The following PDE2A variants were observed in gnomAD, a reference collection of about 807,000 sequenced individuals.
PDE2A encodes the protein cGMP-dependent 3',5'-cyclic phosphodiesterase.
PDE2A carries 53 observed loss-of-function variants against 133.6 expected under a neutral mutation model. That is an observed-to-expected ratio of 0.40 (90% confidence interval 0.32 to 0.50). The LOEUF (loss-of-function observed/expected upper bound fraction) is 0.50, where lower values mean the gene tolerates loss of function less well. Ranked by LOEUF, PDE2A falls within the 20% of genes least tolerant of loss-of-function variation. The pLI is 0.73. For missense variants in PDE2A, 796 were observed against 1,232.4 expected, an observed-to-expected ratio of 0.65 and a Z score of 5.30; for synonymous variants, 491 against 490.2, an observed-to-expected ratio of 1.00 and a Z score of -0.02.
Position 72,586,277 on chromosome 11 carries a change from C to T in PDE2A, c.1071-96G>A, listed in dbSNP as rs760871585. 3.8e-4 allele frequency: 287 copies of T among 751,900 alleles called. 2 individuals carry two copies. The highest frequency in any genetic ancestry group is 4.7e-4 in the Non-Finnish European group (198 of 424,186). The allele number at this position is 751,900 out of a possible 1,614,324, so 46.6% of individuals were successfully genotyped here. On this transcript the variant is annotated intron_variant, in intron 13 of 30. Transcript: ENST00000334456. ...GTTCCATCAGAAGCCCACAGGGGTA[C>T]CCACCTGCCAACTATATAACCACTG...
chr11:72,621,504 C>T (rs1026133079), intron 2 of PDE2A, among the ~76,000 whole-genome samples: 1 of 152,342 alleles, frequency 6.6e-6, no homozygotes, highest in South Asian at 2.1e-4. Flanking sequence ...CACAGCAGGT[C>T]CCACCTGCTC....
At chr11:72,673,718 C>G (rs1408908369) in intron 1 of PDE2A, among the ~76,000 whole-genome samples, 1 of 145,108 alleles carries the variant, frequency 6.9e-6, no homozygotes, top group African/African-American at 2.6e-5. Flanking sequence ...TTCACACACA[C>G]ATAGCCTTGG....
chr11:72,631,221 G>T, intron 2 of PDE2A: 1 of 1,133,594 alleles, frequency 8.8e-7, no homozygotes, highest in Non-Finnish European at 1.2e-6. Flanking sequence ...TTAGCCCCCA[G>T]CAAGCCCACG....
At chr11:72,643,112 C>T (rs1428082314) in intron 1 of PDE2A, 1 of 152,456 alleles carries the variant, frequency 6.6e-6, no homozygotes, top group Non-Finnish European at 1.5e-5. Flanking sequence ...TCCGCAGTTC[C>T]GCGGTGGGAC....
intron 4 of PDE2A, among the ~76,000 whole-genome samples, chr11:72,602,591 C>T (rs945529911): frequency 3.9e-5 from 6 of 152,188 alleles, no homozygotes; most frequent in African/African-American, 1.4e-4. Flanking sequence ...CCCAACCCCA[C>T]CCATTTCACA....
rs985414851 is a variant in PDE2A at position 72,591,467 on chromosome 11, C to T, written c.490-111G>A. On this transcript the variant is annotated intron_variant, in intron 6 of 30. Coordinates refer to ENST00000334456, the MANE Select transcript of PDE2A (RefSeq NM_002599.5). The stretch of plus-strand genomic sequence containing the variant: ...TGGTCCCCACCAACACATACACACT[C>T]CAGTCTGTGGGCCTCAGTGATAACC... 3.9e-6 allele frequency: 3 copies of T among 775,286 alleles called. No homozygotes were observed. The African/African-American group carries it at 5.1e-5, about 13-fold the overall frequency. 48.0% of individuals were successfully genotyped at this position (775,286 alleles called of 1,614,324 possible). A position where few individuals can be genotyped will look rare whatever the true frequency, so the allele number is the denominator to read the frequency against.
intron 2 of PDE2A, among the ~76,000 whole-genome samples, chr11:72,620,703 T>C (rs1008280782): frequency 6.6e-6 from 1 of 151,976 alleles, no homozygotes; most frequent in Non-Finnish European, 1.5e-5. Context: ...ATTAACCAAA[T>C]TATGGGGCTT....
At chr11:72,631,306 T>A (rs1379431743) in intron 2 of PDE2A, among the ~76,000 whole-genome samples, 3 of 152,168 alleles carry the variant, frequency 2.0e-5, no homozygotes, top group Non-Finnish European at 2.9e-5. Context: ...TGTTCTCTGC[T>A]TCCCATGGGC....
At chr11:72,663,782 T>C (rs1855148704) in intron 1 of PDE2A, among the ~76,000 whole-genome samples, 1 of 149,168 alleles carries the variant, frequency 6.7e-6, no homozygotes, top group East Asian at 2.0e-4. Context: ...AAAAAGTGAG[T>C]GTTCAGAGGC....
Position 72,608,692 on chromosome 11 carries a change from C to A in PDE2A, c.204G>T (p.Lys68Asn). Residue 68 changes from lysine (K) to asparagine (N), a missense_variant, in exon 3 of 31, where the codon AAG (lysine) becomes AAT (asparagine). This residue lies in a region of PDE2A where 417 missense variants were observed against 475.3 expected (regional missense o/e 0.88). Transcript: ENST00000334456. ...IDISGLQRAV[K>N]EALSAVLPRV... ...GGGGGAGCACAGCTGACAGGGCCTC[C>A]TTGACAGCACGTTGCAGGCCTGAAA... 6.3e-7 allele frequency: 1 copy of A among 1,576,826 alleles called. No individual in the cohort carries two copies.
intron 1 of PDE2A, among the ~76,000 whole-genome samples, chr11:72,670,141 C>T (rs542381311): frequency 1.3e-5 from 2 of 151,098 alleles, no homozygotes; most frequent in African/African-American, 4.9e-5. Flanking sequence ...TTTGCAAATG[C>T]TCTTCCATCT....
At chr11:72,619,966 C>T (rs1320865390) in intron 2 of PDE2A, among the ~76,000 whole-genome samples, 1 of 152,088 alleles carries the variant, frequency 6.6e-6, no homozygotes, top group East Asian at 1.9e-4. Flanking sequence ...GGGGCTGGGG[C>T]CACCTGTGTG....
intron 4 of PDE2A, among the ~76,000 whole-genome samples, chr11:72,600,118 T>TA (rs759108219): frequency 1.3e-5 from 2 of 152,104 alleles, no homozygotes; most frequent in Non-Finnish European, 2.9e-5. Flanking sequence ...AGAGCAAGGC[T>TA]AGACAGGGGC....
In PDE2A at chr11:72,590,981, C is replaced by T. The variant is rs1309929961; in HGVS notation, c.549+316G>A. On this transcript the variant is annotated intron_variant, in intron 7 of 30. Transcript: ENST00000334456. This position sits in a 1 kb window ranked among gnomAD's most constrained non-coding sequence, Gnocchi z 4.8. ...CTTTCTAAGTACAGATGCTCCTGGA[C>T]TTAGGATAGGGTTGCTTCCCCATAA... 2.6e-6 allele frequency: 1 copy of T among 391,142 alleles called. No homozygotes were observed. Among genetic ancestry groups the T allele is most frequent in the African/African-American group, 2.1e-5 (1 of 48,640 alleles). 24.2% of individuals were successfully genotyped at this position (391,142 alleles called of 1,614,324 possible).
At chr11:72,586,866 C>T (rs1855999807) in intron 13 of PDE2A, among the ~76,000 whole-genome samples, 1 of 152,204 alleles carries the variant, frequency 6.6e-6, no homozygotes, top group East Asian at 1.9e-4. Context: ...CCTTGGTGCT[C>T]CACCCTGGTG....
At chr11:72,625,174 G>A (rs1857996035) in intron 2 of PDE2A, among the ~76,000 whole-genome samples, 1 of 152,196 alleles carries the variant, frequency 6.6e-6, no homozygotes, top group African/African-American at 2.4e-5. Flanking sequence ...CAGGAACCCT[G>A]GGCCCTCTGC....
intron 18 of PDE2A, 76 bp from the exon 19 acceptor site, chr11:72,584,389 G>T: frequency 7.9e-7 from 1 of 1,259,024 alleles, no homozygotes; most frequent in Non-Finnish European, 1.2e-6. Flanking sequence ...GCCGGGACCT[G>T]CCCTCGCAGT....
chr11:72,578,436 C>T lies in PDE2A; in HGVS notation c.2508+40G>A. 1.9e-6 allele frequency: 3 copies of T among 1,597,100 alleles called. No homozygotes were observed. Among genetic ancestry groups the T allele is most frequent in the Non-Finnish European group, 2.6e-6 (3 of 1,164,498 alleles). On this transcript the variant is annotated intron_variant, in intron 29 of 30. Coordinates refer to ENST00000334456, the MANE Select transcript of PDE2A (RefSeq NM_002599.5). The surrounding 1 kb of genome is among the most constrained non-coding windows in gnomAD (Gnocchi z 4.2). ...CCCTCCCTGTCCCAGGCCAGGAACC[C>T]TCCCCCATCCTGGACATCCTGGGGT...
chr11:72,663,741 AAG>A (rs201752452), intron 1 of PDE2A, among the ~76,000 whole-genome samples: 1 of 151,642 alleles, frequency 6.6e-6, no homozygotes, highest in African/African-American at 2.4e-5. Flanking sequence ...AAAAAAAAAA[AAG>A]AAAGAAAAAA....
Sources: allele counts gnomAD v4.1 joint callset (sites outside exome capture counted in the v4.1 genomes callset), GRCh38; gene constraint gnomAD v4.1.1; regional missense constraint gnomAD v4.1.1; non-coding constraint Gnocchi (gnomAD v3.1); transcripts MANE v1.5; gene names NCBI Gene and HGNC (gene_info 2026-07-23, HGNC 2026-07-21).